ATG5: variants seen among roughly 807,000 people sequenced by gnomAD.
ATG5 encodes autophagy protein 5.
ATG5 carries 14 observed loss-of-function variants against 36.5 expected under a neutral mutation model. The ratio of observed to expected loss-of-function variants is 0.38; its 90% CI spans 0.25 to 0.60. ATG5 has a LOEUF of 0.60. Among genes scored for constraint, ATG5 ranks in the 20% least tolerant of loss-of-function variants. The pLI is 0.60. For synonymous variants in ATG5, 95 were observed against 101.5 expected, an observed-to-expected ratio of 0.94 and a Z score of 0.38; for missense variants, 195 against 326.7, an observed-to-expected ratio of 0.60 and a Z score of 3.11.
intron 5 of ATG5, among the ~76,000 whole-genome samples, chr6:106,248,502 A>G (rs1195967532): frequency 6.6e-6 from 1 of 152,248 alleles, no homozygotes; most frequent in Non-Finnish European, 1.5e-5. Flanking sequence ...AAACATATAA[A>G]CATACGACTA....
intron 1 of ATG5, among the ~76,000 whole-genome samples, chr6:106,322,405 A>G (rs1236653146): frequency 1.3e-5 from 2 of 152,220 alleles, no homozygotes; most frequent in Non-Finnish European, 2.9e-5. Flanking sequence ...AAACAGAAAA[A>G]AAATTATAAT....
intron 5 of ATG5, 37 bp from the exon 6 acceptor site, chr6:106,248,281 C>A: frequency 6.8e-7 from 1 of 1,467,838 alleles, no homozygotes; most frequent in Admixed American, 1.7e-5. Context: ...TAAAAATGAA[C>A]AACATTATAA....
chr6:106,261,878 G>A (rs2114553079), intron 5 of ATG5, among the ~76,000 whole-genome samples: 1 of 152,280 alleles, frequency 6.6e-6, no homozygotes, highest in Middle Eastern at 3.4e-3. Context: ...GTAGAGGCCA[G>A]AAGTGCTGCT....
intron 5 of ATG5, among the ~76,000 whole-genome samples, chr6:106,263,878 G>GA (rs201259155): frequency 0.29 from 36,998 of 128,416 alleles, 4,968 homozygotes; most frequent in South Asian, 0.33. Context: ...CACAAAGATG[G>GA]AAAAAAAAAA....
At chr6:106,230,163 A>G (rs1222569924) in intron 6 of ATG5, among the ~76,000 whole-genome samples, 1 of 152,242 alleles carries the variant, frequency 6.6e-6, no homozygotes, top group African/African-American at 2.4e-5. Flanking sequence ...AAGCAGAGTT[A>G]GAAAAATTGC....
intron 1 of ATG5, among the ~76,000 whole-genome samples, chr6:106,319,503 T>C (rs975361132): frequency 1.3e-5 from 2 of 152,214 alleles, no homozygotes; most frequent in Non-Finnish European, 2.9e-5. Flanking sequence ...CTAAACATAC[T>C]ATGCACTTTC....
At chr6:106,319,920 A>C (rs1235703111) in intron 1 of ATG5, among the ~76,000 whole-genome samples, 3 of 152,250 alleles carry the variant, frequency 2.0e-5, no homozygotes, top group Non-Finnish European at 2.9e-5. Flanking sequence ...AAATGAGGTA[A>C]GCAGGTGAGA....
At chr6:106,271,636 C>T (rs1015222441) in intron 5 of ATG5, 1 of 152,158 alleles carries the variant, frequency 6.6e-6, no homozygotes, top group Non-Finnish European at 1.5e-5. Context: ...ATAAACGAAG[C>T]TTTGTGTACT....
chr6:106,271,142 C>A (rs974053689), intron 5 of ATG5, among the ~76,000 whole-genome samples: 8 of 152,192 alleles, frequency 5.3e-5, no homozygotes, highest in African/African-American at 1.9e-4. Context: ...CCTACAAGGC[C>A]TTAGATAATT....
rs1010261138 is a variant in ATG5, at chr6:106,312,599, G to A, written c.108+3502C>T. Among the ~76,000 whole-genome samples the A allele has an allele frequency of 2.7e-5, 4 of 147,086 alleles. No individual in the cohort carries two copies. The Admixed American group carries it at 2.7e-4, about 10-fold the overall frequency. On this transcript the variant is annotated intron_variant, in intron 2 of 7. Coordinates refer to ENST00000369076, the MANE Select transcript of ATG5 (RefSeq NM_004849.4). The stretch of plus-strand genomic sequence containing the variant: ...ATACCAATATTAAGGAATAAACAAA[G>A]GAGAAAGATCTGGCAAAAAAGACTA...
chr6:106,191,561 T>C (rs537454285), intron 7 of ATG5, among the ~76,000 whole-genome samples: 3 of 152,252 alleles, frequency 2.0e-5, no homozygotes, highest in East Asian at 3.9e-4. Context: ...TGTTTCCTCA[T>C]CTTACAGTGT....
chr6:106,209,668 T>C (rs1046856436), intron 6 of ATG5, among the ~76,000 whole-genome samples: 1 of 152,164 alleles, frequency 6.6e-6, no homozygotes, highest in Non-Finnish European at 1.5e-5. Context: ...ACACACAGTA[T>C]ATGTAAAACT....
intron 6 of ATG5, among the ~76,000 whole-genome samples, chr6:106,222,719 G>C (rs1293645566): frequency 6.6e-6 from 1 of 152,142 alleles, no homozygotes. Context: ...TGGACTCCCT[G>C]GATTCAAATC....
chr6:106,288,230 A>C (rs1433842031), intron 4 of ATG5, among the ~76,000 whole-genome samples: 2 of 152,088 alleles, frequency 1.3e-5, no homozygotes, highest in Non-Finnish European at 2.9e-5. Context: ...CTCACCTCCC[A>C]AGGTGCTGGG....
chr6:106,282,133 T>C (rs922071575), intron 4 of ATG5, among the ~76,000 whole-genome samples: 5 of 152,206 alleles, frequency 3.3e-5, no homozygotes, highest in Non-Finnish European at 5.9e-5. Context: ...AAACATACAA[T>C]GCACACATGT....
At chr6:106,304,741 G>GT (rs1425878420) in intron 3 of ATG5, among the ~76,000 whole-genome samples, 2 of 152,154 alleles carry the variant, frequency 1.3e-5, no homozygotes, top group African/African-American at 2.4e-5. Flanking sequence ...TCTTGATTTT[G>GT]TAAGTAGCTA....
rs146087962 is a variant in ATG5, at chr6:106,215,067, G to C, written c.574-12978C>G. 3.9e-3 allele frequency among the ~76,000 whole-genome samples: 590 copies of C among 152,230 alleles called. 1 individual carries two copies. The highest frequency in any genetic ancestry group is 0.013 in the African/African-American group (538 of 41,544). ...CACACTAAAAAGACTAATACAAAAA[G>C]AATGTAATTAATAAACTATTTTCCT... On this transcript the variant is annotated intron_variant, in intron 6 of 7. Coordinates refer to ENST00000369076, the MANE Select transcript of ATG5 (RefSeq NM_004849.4).
chr6:106,320,770 G>T (rs932519227), intron 1 of ATG5, among the ~76,000 whole-genome samples: 10 of 152,130 alleles, frequency 6.6e-5, no homozygotes, highest in African/African-American at 2.4e-4. Context: ...CCAAACAGAA[G>T]ACTGAGGGGG....
Position 106,293,085 on chromosome 6 carries a change from T to C in ATG5, c.258A>G (p.Leu86=), listed in dbSNP as rs150083805. Residue 86 remains leucine (L), a synonymous_variant, in exon 4 of 8, where the codon CTA becomes CTG. Coordinates refer to ENST00000369076, the MANE Select transcript of ATG5 (RefSeq NM_004849.4). ...PLKWHYPIGL[L]FDLLASSSAL... ...CTGAACTTGATGCAAGAAGATCAAATAGCAAACCAATTGGATAATGCCTAA... is the reference window on the plus strand; with the variant it reads ...CTGAACTTGATGCAAGAAGATCAAACAGCAAACCAATTGGATAATGCCTAA... The C allele has an allele frequency of 3.1e-6, 5 of 1,613,304 alleles. No homozygotes were observed. The highest frequency in any genetic ancestry group is 4.2e-6 in the Non-Finnish European group (5 of 1,179,542).
Sources: allele counts gnomAD v4.1 joint callset (sites outside exome capture counted in the v4.1 genomes callset), GRCh38; gene constraint gnomAD v4.1.1; transcripts MANE v1.5; gene names NCBI Gene and HGNC (gene_info 2026-07-23, HGNC 2026-07-21).